The following INSR variants were observed in gnomAD, a reference collection of about 807,000 sequenced individuals.
INSR encodes the protein IR.
In INSR, 67 loss-of-function variants were observed where a neutral mutation model predicts 142.6. The observed-to-expected ratio is 0.47, with a 90% CI of 0.39 to 0.58. The LOEUF is 0.58. INSR is among the 20% of genes least tolerant of loss of function. The pLI, the probability that INSR is intolerant of heterozygous loss-of-function variation, is 0.00. For missense variants in INSR, 1,248 were observed against 1,833.2 expected, an observed-to-expected ratio of 0.68 and a Z score of 5.83; for synonymous variants, 756 against 743.1, an observed-to-expected ratio of 1.02 and a Z score of -0.28.
chr19:7,182,693 G>A (rs992054807), intron 3 of INSR, among the ~76,000 whole-genome samples: 27 of 152,074 alleles, frequency 1.8e-4, no homozygotes, highest in African/African-American at 6.0e-4. Context: ...AGCATCTCCC[G>A]CATCATCAGT....
intron 2 of INSR, among the ~76,000 whole-genome samples, chr19:7,229,387 C>T (rs1381926237): frequency 1.4e-5 from 2 of 144,542 alleles, no homozygotes; most frequent in Admixed American, 1.4e-4. Context: ...GGCAGATGAG[C>T]AAGGGAGTGA....
intron 9 of INSR, among the ~76,000 whole-genome samples, chr19:7,154,160 C>G (rs1440051658): frequency 6.6e-6 from 1 of 151,308 alleles, no homozygotes; most frequent in African/African-American, 2.4e-5. Context: ...GACTCCGTCT[C>G]AAAAAAATAA....
chr19:7,267,563 C>T lies in INSR; in HGVS notation c.434G>A (p.Arg145His), dbSNP rs1210993396. Residue 145 changes from arginine to histidine, a missense_variant, in exon 2 of 22, where the codon CGC (arginine) becomes CAC (histidine). By Grantham distance (29) the Arg-to-His change is conservative. Coordinates refer to ENST00000302850, the MANE Select transcript of INSR (RefSeq NM_000208.4). The surrounding 1 kb of genome is among the most constrained non-coding windows in gnomAD (Gnocchi z 6.3). ...ACAGAGCTCATTGTTCTTCTCGATG[C>T]GGACAGAACCCCGGGTGATGTTCAT... ...NLMNITRGSV[R>H]IEKNNELCYL... The T allele has an allele frequency of 6.2e-7, 1 of 1,614,096 alleles. No individual in the cohort carries two copies. Among genetic ancestry groups the T allele is most frequent in the Non-Finnish European group, 8.5e-7 (1 of 1,180,006 alleles).
intron 4 of INSR, among the ~76,000 whole-genome samples, chr19:7,174,138 A>C (rs1036983620): frequency 5.9e-5 from 9 of 151,552 alleles, no homozygotes; most frequent in African/African-American, 2.2e-4. Context: ...TAAAAAAAAA[A>C]AAAATTAGCC....
intron 4 of INSR, among the ~76,000 whole-genome samples, chr19:7,173,071 C>T (rs894279585): frequency 3.9e-5 from 6 of 152,056 alleles, no homozygotes; most frequent in African/African-American, 9.7e-5. Flanking sequence ...AGAGACTGCC[C>T]GGCCTGCCAG....
At chr19:7,196,904 A>G (rs919327228) in intron 2 of INSR, among the ~76,000 whole-genome samples, 4 of 152,178 alleles carry the variant, frequency 2.6e-5, no homozygotes, top group African/African-American at 7.2e-5. Context: ...GGCTCTCCCT[A>G]TAAGTGTGAG....
At position 7,162,326 on chromosome 19, in the gene INSR, C is replaced by CAA. The variant is rs34182944; in HGVS notation, c.2029+704_2029+705dup. Among the ~76,000 whole-genome samples, 511 of 62,964 alleles carry CAA rather than the reference C, an allele frequency of 8.1e-3. 3 individuals carry two copies. The highest frequency in any genetic ancestry group is 0.038 in the East Asian group (86 of 2,240). 41.3% of individuals were successfully genotyped at this position (62,964 alleles called of 152,430 possible). A position where few individuals can be genotyped will look rare whatever the true frequency, so the allele number is the denominator to read the frequency against. The stretch of plus-strand genomic sequence containing the variant: ...TGGGTGACAGAGTGAGACCCTGTCT[C>CAA]AAAAAAAAAAAAAAAAAAAAAAATT... On this transcript the variant is annotated intron_variant, in intron 9 of 21. Coordinates refer to ENST00000302850, the MANE Select transcript of INSR (RefSeq NM_000208.4).
intron 1 of INSR, among the ~76,000 whole-genome samples, chr19:7,284,120 A>C (rs1389367814): frequency 6.6e-6 from 1 of 151,998 alleles, no homozygotes; most frequent in Non-Finnish European, 1.5e-5. Context: ...GCTGGAGTGC[A>C]GTGGCACCGC....
chr19:7,275,134 T>C (rs994404546), intron 1 of INSR, among the ~76,000 whole-genome samples: 2 of 151,544 alleles, frequency 1.3e-5, no homozygotes, highest in Admixed American at 6.6e-5. Flanking sequence ...CACTACCACA[T>C]CCAGATAATT....
intron 2 of INSR, among the ~76,000 whole-genome samples, chr19:7,255,019 C>A (rs1434309887): frequency 2.0e-5 from 3 of 151,948 alleles, no homozygotes; most frequent in Non-Finnish European, 4.4e-5. Flanking sequence ...CCCGGCCCCC[C>A]TCCCCGGTCC....
rs929943267 is a variant in INSR, at chr19:7,294,138, C to A, written c.-247G>T. On this transcript the variant is annotated 5_prime_UTR_variant, in exon 1 of 22. Coordinates refer to ENST00000302850, the MANE Select transcript of INSR (RefSeq NM_000208.4). ...GCGGTGGTGGCCCCGACCCCCCGGC[C>A]GCTGCGGCCCGGGCCCCGTCCCAGG... The A allele has an allele frequency of 2.1e-5, 4 of 193,936 alleles. No homozygotes were observed. The highest frequency in any genetic ancestry group is 1.2e-4 in the Admixed American group (2 of 16,180). The allele number at this position is 193,936 out of a possible 1,614,324, so 12.0% of individuals were successfully genotyped here.
At chr19:7,153,492 A>ACAC in intron 9 of INSR, among the ~76,000 whole-genome samples, 1 of 142,516 alleles carries the variant, frequency 7.0e-6, no homozygotes, top group Admixed American at 7.1e-5. Context: ...CACGCACCAC[A>ACAC]CACACACACA....
chr19:7,232,704 G>C (rs1371047222), intron 2 of INSR, among the ~76,000 whole-genome samples: 1 of 151,744 alleles, frequency 6.6e-6, no homozygotes, highest in Non-Finnish European at 1.5e-5. Flanking sequence ...CAGCTACTTG[G>C]GAGGCTGAGG....
chr19:7,160,407 A>G (rs1237115562), intron 9 of INSR, among the ~76,000 whole-genome samples: 1 of 151,538 alleles, frequency 6.6e-6, no homozygotes, highest in Non-Finnish European at 1.5e-5. Context: ...TCGGCCTCCC[A>G]AAGTGCTGGG....
intron 2 of INSR, among the ~76,000 whole-genome samples, chr19:7,230,870 G>C (rs1975952282): frequency 6.6e-6 from 1 of 151,866 alleles, no homozygotes; most frequent in Non-Finnish European, 1.5e-5. Context: ...AGGTCAGACT[G>C]TTCCTCCTGC....
chr19:7,198,643 G>C (rs113876550), intron 2 of INSR, among the ~76,000 whole-genome samples: 5 of 152,152 alleles, frequency 3.3e-5, no homozygotes, highest in South Asian at 4.1e-4. Context: ...CACATTGCAG[G>C]GGGGGAGGGT....
intron 9 of INSR, 117 bp downstream of exon 9, chr19:7,162,915 T>A (rs1472190510): frequency 1.2e-5 from 10 of 850,192 alleles, no homozygotes; most frequent in Non-Finnish European, 4.1e-6. Flanking sequence ...TGTGTGTGTG[T>A]GTGCCTTCCG....
At chr19:7,158,815 G>T (rs1973678643) in intron 9 of INSR, among the ~76,000 whole-genome samples, 1 of 152,050 alleles carries the variant, frequency 6.6e-6, no homozygotes, top group Non-Finnish European at 1.5e-5. Flanking sequence ...AACAGGAAGG[G>T]TTTGTAAGCT....
At chr19:7,163,507 C>G (rs946844370) in intron 8 of INSR, among the ~76,000 whole-genome samples, 4 of 151,658 alleles carry the variant, frequency 2.6e-5, no homozygotes, top group African/African-American at 7.3e-5. Flanking sequence ...TTGCAGTGAG[C>G]CGAGATTGCG....
Sources: allele counts gnomAD v4.1 joint callset (sites outside exome capture counted in the v4.1 genomes callset), GRCh38; gene constraint gnomAD v4.1.1; non-coding constraint Gnocchi (gnomAD v3.1); transcripts MANE v1.5; gene names NCBI Gene and HGNC (gene_info 2026-07-23, HGNC 2026-07-21).